Variants in DMD observed in about 807,000 individuals in gnomAD.
DMD encodes the protein dystrophin.
A neutral mutation model predicts 330.1 loss-of-function variants in DMD; 63 were observed. The ratio of observed to expected loss-of-function variants is 0.19; its 90% CI spans 0.16 to 0.24. The LOEUF (loss-of-function observed/expected upper bound fraction) is 0.24, where lower values mean the gene tolerates loss of function less well. Among genes scored for constraint, DMD ranks in the 10% least tolerant of loss-of-function variants. The pLI is 1.00. For synonymous variants in DMD, 1,223 were observed against 959.8 expected (o/e 1.27, Z -5.07); for missense variants, 3,344 against 2,684.1 (o/e 1.25, Z -5.43).
chrX:32,054,778 G>A (rs2096152950), intron 44 of DMD, among the ~76,000 whole-genome samples: 1 of 100,104 alleles, frequency 1.0e-5, no homozygotes, highest in Non-Finnish European at 2.0e-5. Context: ...AAATTTAATA[G>A]TATTATGTAT....
intron 7 of DMD, among the ~76,000 whole-genome samples, chrX:32,752,187 G>C (rs745385012): frequency 2.7e-5 from 3 of 111,616 alleles, no homozygotes; most frequent in Admixed American, 9.5e-5. Flanking sequence ...TCCACTGGCA[G>C]CTTGCAACAC....
chrX:32,335,569 G>A (rs996927567), intron 41 of DMD, among the ~76,000 whole-genome samples: 1 of 41,122 alleles, frequency 2.4e-5, no homozygotes, highest in African/African-American at 8.4e-5. Flanking sequence ...TATATAACAT[G>A]TTATATACAT....
In DMD at chrX:32,599,526, G is replaced by T. The variant is rs1239250828; in HGVS notation, c.1483-3650C>A. Among the ~76,000 whole-genome samples the T allele has an allele frequency of 2.7e-5, 3 of 111,951 alleles. No homozygotes were observed. In the Admixed American group the frequency reaches 2.9e-4, roughly 11 times the overall value. On this transcript the variant is annotated intron_variant, in intron 12 of 78. Transcript: ENST00000357033. ...TTATGGATTTCAATTTGTCATAGAT[G>T]AATTTATACAACGGAGATTTATATT...
At chrX:32,357,660 T>TACAC (rs3044986) in intron 37 of DMD, among the ~76,000 whole-genome samples, 1,215 of 94,848 alleles carry the variant, frequency 0.013, 15 homozygotes, top group African/African-American at 0.027. Context: ...CATACACAGA[T>TACAC]ACACACACAC....
chrX:31,681,931 T>C (rs2082402931), intron 52 of DMD, among the ~76,000 whole-genome samples: 1 of 111,064 alleles, frequency 9.0e-6, no homozygotes, highest in Non-Finnish European at 1.9e-5. Flanking sequence ...CAGTCTCTAC[T>C]AAAAATACAA....
At chrX:31,327,212 A>T (rs1273023085) in intron 61 of DMD, among the ~76,000 whole-genome samples, 1 of 112,294 alleles carries the variant, frequency 8.9e-6, no homozygotes, top group Non-Finnish European at 1.9e-5. Context: ...CAAACTACAC[A>T]TGCATTTATT....
At chrX:33,225,123 C>G (rs1011209745) in intron 1 of DMD, among the ~76,000 whole-genome samples, 1 of 111,221 alleles carries the variant, frequency 9.0e-6, no homozygotes, top group Non-Finnish European at 1.9e-5. Context: ...CAATTTTACC[C>G]AAACTGTTAC....
chrX:33,005,275 A>ACACACAC (rs2093368869), intron 2 of DMD, among the ~76,000 whole-genome samples: 3 of 102,630 alleles, frequency 2.9e-5, no homozygotes, highest in African/African-American at 1.1e-4. Context: ...CACACACACA[A>ACACACAC]ACACACACAC....
intron 55 of DMD, among the ~76,000 whole-genome samples, chrX:31,592,592 T>C (rs925363448): frequency 9.1e-6 from 1 of 109,634 alleles, no homozygotes; most frequent in African/African-American, 3.3e-5. Context: ...TAAATATTTG[T>C]CTTCTAAATG....
intron 7 of DMD, among the ~76,000 whole-genome samples, chrX:32,721,612 C>T (rs899520469): frequency 4.5e-5 from 5 of 110,876 alleles, no homozygotes; most frequent in African/African-American, 1.6e-4. Flanking sequence ...AAACCCTTAT[C>T]AGATATATGT....
chrX:32,662,941 G>C (rs1286341010), intron 9 of DMD, among the ~76,000 whole-genome samples: 1 of 112,110 alleles, frequency 8.9e-6, no homozygotes, highest in Non-Finnish European at 1.9e-5. Context: ...TGAATTGACT[G>C]TAGGTTTTGG....
At chrX:31,202,252 T>C (rs778311416) in intron 67 of DMD, among the ~76,000 whole-genome samples, 15 of 112,130 alleles carry the variant, frequency 1.3e-4, no homozygotes, top group African/African-American at 4.5e-4. Flanking sequence ...TTATGGCAAG[T>C]TGTTTTATAA....
At chrX:32,330,366 T>C (rs1431570807) in intron 41 of DMD, among the ~76,000 whole-genome samples, 2 of 112,117 alleles carry the variant, frequency 1.8e-5, no homozygotes, top group African/African-American at 3.2e-5. Flanking sequence ...ATAGATTTTA[T>C]TCATCTGTTC....
intron 7 of DMD, among the ~76,000 whole-genome samples, chrX:32,755,761 T>C (rs1231866237): frequency 8.9e-6 from 1 of 112,184 alleles, no homozygotes; most frequent in Non-Finnish European, 1.9e-5. Context: ...ATTAAACTTT[T>C]CCTCAATTGG....
intron 67 of DMD, 136 bp from the exon 68 acceptor site, chrX:31,183,040 G>A: frequency 1.8e-6 from 1 of 571,066 alleles, no homozygotes; most frequent in Non-Finnish European, 2.7e-6. Flanking sequence ...GCAAAGCTAG[G>A]CTGGCTTTTC....
chrX:32,740,760 C>CT (rs2069147758), intron 7 of DMD, among the ~76,000 whole-genome samples: 3 of 111,270 alleles, frequency 2.7e-5, no homozygotes. Context: ...GTGTAGGACA[C>CT]TGTTTTAAGT....
At chrX:31,353,745 T>C (rs1219633405) in intron 60 of DMD, among the ~76,000 whole-genome samples, 1 of 111,416 alleles carries the variant, frequency 9.0e-6, no homozygotes, top group Non-Finnish European at 1.9e-5. Flanking sequence ...CAGTTAGAGA[T>C]GAACAATTTG....
chrX:32,795,830 T>C (rs182587918), intron 7 of DMD, among the ~76,000 whole-genome samples: 170 of 111,531 alleles, frequency 1.5e-3, no homozygotes, highest in African/African-American at 5.5e-3. Flanking sequence ...AGAAGACAAA[T>C]GACCAACGGG....
chrX:32,047,314 A>T (rs1395149439), intron 44 of DMD, among the ~76,000 whole-genome samples: 1 of 111,589 alleles, frequency 9.0e-6, no homozygotes, highest in Non-Finnish European at 1.9e-5. Flanking sequence ...AGAAAGATAG[A>T]AACAGAGAAA....
Sources: gnomAD v4.1 joint callset for allele counts (sites outside exome capture counted in the v4.1 genomes callset) on GRCh38, gnomAD v4.1.1 for gene constraint, MANE v1.5 for transcripts, NCBI Gene and HGNC (gene_info 2026-07-23, HGNC 2026-07-21) for gene names.